The following MND1 variants were observed in gnomAD, a reference collection of about 807,000 sequenced individuals.
MND1 encodes meiotic nuclear divisions 1, also known as meiotic nuclear division protein 1 homolog.
Under a neutral mutation model 35.1 loss-of-function variants are expected in MND1, and 28 were observed. The observed-to-expected ratio is 0.80, with a 90% CI of 0.59 to 1.09. MND1 has a LOEUF of 1.09. Ranked by LOEUF, MND1 falls within the 50% of genes least tolerant of loss-of-function variation. The pLI is 0.00. For missense variants in MND1, 213 were observed against 239.6 expected, an observed-to-expected ratio of 0.89 and a Z score of 0.73; for synonymous variants, 69 against 70.5, an observed-to-expected ratio of 0.98 and a Z score of 0.11.
chr4:153,377,771 C>T (rs1728552204), intron 4 of MND1, among the ~76,000 whole-genome samples: 2 of 152,264 alleles, frequency 1.3e-5, no homozygotes. Flanking sequence ...AGACTCTAGA[C>T]CTAGACTCCC....
intron 1 of MND1, among the ~76,000 whole-genome samples, 197 bp downstream of exon 1, chr4:153,344,937 C>T (rs924036250): frequency 2.0e-5 from 3 of 152,162 alleles, no homozygotes; most frequent in Non-Finnish European, 4.4e-5. Flanking sequence ...CGGCGTTCCC[C>T]GCCGCTCCTG....
chr4:153,391,983 A>G (rs891061180), intron 4 of MND1, among the ~76,000 whole-genome samples: 2 of 152,144 alleles, frequency 1.3e-5, no homozygotes, highest in Non-Finnish European at 1.5e-5. Context: ...AAACCTACCA[A>G]CTTTTTGAAG....
chr4:153,407,238 C>T (rs754742902), intron 6 of MND1, among the ~76,000 whole-genome samples: 25 of 152,184 alleles, frequency 1.6e-4, no homozygotes, highest in African/African-American at 3.6e-4. Flanking sequence ...CCGAGGCAGG[C>T]GGATCACCTG....
chr4:153,360,082 C>T (rs150829922), intron 4 of MND1, among the ~76,000 whole-genome samples: 19 of 152,248 alleles, frequency 1.2e-4, no homozygotes, highest in Middle Eastern at 3.4e-3. Context: ...CCACCACACC[C>T]AGCCCTGGAA....
chr4:153,379,561 A>G (rs564380281), intron 4 of MND1, among the ~76,000 whole-genome samples: 5 of 151,614 alleles, frequency 3.3e-5, no homozygotes, highest in Admixed American at 2.6e-4. Flanking sequence ...TAAATAAATA[A>G]GAAAAATTAG....
At chr4:153,399,889 G>GTTTT (rs1561077463) in intron 6 of MND1, among the ~76,000 whole-genome samples, 1 of 123,682 alleles carries the variant, frequency 8.1e-6, no homozygotes, top group African/African-American at 2.9e-5. Flanking sequence ...TTTTCAGTGA[G>GTTTT]ATTTTTTTTT....
intron 4 of MND1, among the ~76,000 whole-genome samples, chr4:153,366,747 T>G (rs1335133875): frequency 6.6e-6 from 1 of 152,238 alleles, no homozygotes; most frequent in Non-Finnish European, 1.5e-5. Flanking sequence ...CATGTAAGAA[T>G]AATAACTGGT....
intron 3 of MND1, among the ~76,000 whole-genome samples, chr4:153,357,153 G>A (rs1293291409): frequency 1.3e-5 from 2 of 152,136 alleles, no homozygotes; most frequent in African/African-American, 4.8e-5. Flanking sequence ...TTTTTTGTGT[G>A]TCTTTTGTTG....
chr4:153,388,472 GTA>G (rs1728928462), intron 4 of MND1, among the ~76,000 whole-genome samples: 1 of 152,186 alleles, frequency 6.6e-6, no homozygotes, highest in South Asian at 2.1e-4. Context: ...GAACAACAGA[GTA>G]AGACCCTGTC....
chr4:153,380,586 C>G (rs772028981), intron 4 of MND1, among the ~76,000 whole-genome samples: 3 of 152,190 alleles, frequency 2.0e-5, no homozygotes, highest in Non-Finnish European at 2.9e-5. Context: ...CCACCTCAGT[C>G]TGAACAGAAA....
intron 7 of MND1, among the ~76,000 whole-genome samples, chr4:153,413,442 G>A (rs1335773072): frequency 6.6e-6 from 1 of 152,148 alleles, no homozygotes; most frequent in Non-Finnish European, 1.5e-5. Context: ...CATTTTGGGA[G>A]GCCGAGGTGG....
At chr4:153,406,780 C>A (rs1048188441) in intron 6 of MND1, among the ~76,000 whole-genome samples, 3 of 152,194 alleles carry the variant, frequency 2.0e-5, no homozygotes, top group Non-Finnish European at 2.9e-5. Flanking sequence ...CTACTTCACA[C>A]TTCTATTAGT....
At chr4:153,390,875 A>G (rs1729003246) in intron 4 of MND1, among the ~76,000 whole-genome samples, 3 of 148,108 alleles carry the variant, frequency 2.0e-5, no homozygotes, top group Admixed American at 1.4e-4. Context: ...CGTCTCAAAA[A>G]AAAAGGTATA....
intron 1 of MND1, among the ~76,000 whole-genome samples, chr4:153,348,651 T>G (rs1236127255): frequency 6.6e-6 from 1 of 152,086 alleles, no homozygotes; most frequent in Non-Finnish European, 1.5e-5. Flanking sequence ...GTTAGTGGGT[T>G]GTTGTTTTTT....
chr4:153,355,453 A>C (rs546530395), intron 2 of MND1, among the ~76,000 whole-genome samples: 1 of 152,280 alleles, frequency 6.6e-6, no homozygotes, highest in East Asian at 1.9e-4. Context: ...AACACAAAGA[A>C]ATGATAAGTG....
rs74714953 is a variant in MND1 at position 153,383,824 on chromosome 4, A to T, written c.277-10438A>T. Among the ~76,000 whole-genome samples, 643 of 152,298 alleles carry T rather than the reference A, an allele frequency of 4.2e-3. 7 individuals are homozygous for T. Among genetic ancestry groups the T allele is most frequent in the African/African-American group, 0.015 (612 of 41,564 alleles). On this transcript the variant is annotated intron_variant, in intron 4 of 7. Coordinates refer to ENST00000240488, the MANE Select transcript of MND1 (RefSeq NM_032117.4). ...TGATTTGAAGTAGGCGGGGAAATAC[A>T]GTTTCTTGTTTTTTATTTTTAGCTA... is the stretch of plus-strand genomic sequence containing the variant.
chr4:153,355,113 A>G (rs1451644352), intron 2 of MND1, among the ~76,000 whole-genome samples: 1 of 152,146 alleles, frequency 6.6e-6, no homozygotes, highest in Non-Finnish European at 1.5e-5. Context: ...GCAGTGAGCC[A>G]TGATCGTGCC....
chr4:153,353,256 C>T (rs991844887), intron 2 of MND1, among the ~76,000 whole-genome samples: 3 of 151,316 alleles, frequency 2.0e-5, no homozygotes, highest in South Asian at 2.1e-4. Context: ...CCTAAATTTG[C>T]GAACTCTTAG....
At chr4:153,397,851 T>C (rs1729241651) in intron 6 of MND1, among the ~76,000 whole-genome samples, 1 of 152,138 alleles carries the variant, frequency 6.6e-6, no homozygotes. Flanking sequence ...TGTTAGAGCA[T>C]TGAACAGCGA....
Sources: gnomAD v4.1 joint callset for allele counts (sites outside exome capture counted in the v4.1 genomes callset) on GRCh38, gnomAD v4.1.1 for gene constraint, MANE v1.5 for transcripts, NCBI Gene and HGNC (gene_info 2026-07-23, HGNC 2026-07-21) for gene names.